The following FRMD4A variants were observed in gnomAD, a reference collection of about 807,000 sequenced individuals.
FRMD4A encodes the protein FERM domain containing 4A, also known as FERM domain-containing protein 4A.
A neutral mutation model predicts 129.1 loss-of-function variants in FRMD4A; 29 were observed. That is an observed-to-expected ratio of 0.22 (90% CI 0.17 to 0.31). The LOEUF is 0.31. Among genes scored for constraint, FRMD4A ranks in the 10% least tolerant of loss-of-function variants. The pLI is 1.00. For missense variants in FRMD4A, 1,272 were observed against 1,375.8 expected, an observed-to-expected ratio of 0.92 and a Z score of 1.19; for synonymous variants, 634 against 571.6, an observed-to-expected ratio of 1.11 and a Z score of -1.56.
rs564734846 is a variant in FRMD4A at position 14,175,518 on chromosome 10, C to T, written c.45+154540G>A. Among the ~76,000 whole-genome samples the T allele has an allele frequency of 2.6e-4, 32 of 123,982 alleles. No individual in the cohort carries two copies. In the South Asian group the frequency reaches 9.5e-3, roughly 37 times the overall value. The allele number at this position is 123,982 out of a possible 152,430, so 81.3% of individuals were successfully genotyped here. A position where few individuals can be genotyped will look rare whatever the true frequency, so the allele number is the denominator to read the frequency against. On this transcript the variant is annotated intron_variant, in intron 2 of 24. Coordinates refer to ENST00000357447, the MANE Select transcript of FRMD4A (RefSeq NM_018027.5). ...CACCTCCTTCGTAGTCTCCAGTTTGCTTCCTTTTTTTTTTTTTTTTTTTTA... is the reference window on the plus strand; with the variant it reads ...CACCTCCTTCGTAGTCTCCAGTTTGTTTCCTTTTTTTTTTTTTTTTTTTTA...
At chr10:14,042,354 A>C (rs1258148373) in intron 2 of FRMD4A, among the ~76,000 whole-genome samples, 1 of 152,202 alleles carries the variant, frequency 6.6e-6, no homozygotes, top group Non-Finnish European at 1.5e-5. Flanking sequence ...GTTACAGGCC[A>C]ATCAGGACAA....
intron 2 of FRMD4A, among the ~76,000 whole-genome samples, chr10:14,232,045 T>C (rs1407080366): frequency 6.6e-6 from 1 of 152,160 alleles, no homozygotes; most frequent in Non-Finnish European, 1.5e-5. Context: ...TTTTCTTCTA[T>C]GATTTTTTTA....
chr10:13,701,882 T>A (rs1156891915), intron 13 of FRMD4A, among the ~76,000 whole-genome samples: 1 of 152,136 alleles, frequency 6.6e-6, no homozygotes, highest in Admixed American at 6.5e-5. Flanking sequence ...GATGAGTAAA[T>A]TATTTTCTAA....
chr10:14,083,008 T>C (rs999299692), intron 2 of FRMD4A: 1 of 152,232 alleles, frequency 6.6e-6, no homozygotes, highest in African/African-American at 2.4e-5. Context: ...CATTAACTTG[T>C]TGCACATCAC....
At chr10:13,837,383 T>C (rs1231356661) in intron 3 of FRMD4A, among the ~76,000 whole-genome samples, 1 of 152,178 alleles carries the variant, frequency 6.6e-6, no homozygotes, top group African/African-American at 2.4e-5. Flanking sequence ...GGAGTCCTGA[T>C]TGGGCCTCGA....
chr10:14,036,520 T>C (rs1036849734), intron 2 of FRMD4A, among the ~76,000 whole-genome samples: 5 of 152,180 alleles, frequency 3.3e-5, no homozygotes, highest in African/African-American at 1.2e-4. Flanking sequence ...TTAACCCGGA[T>C]TGCTTGCATT....
chr10:13,979,215 T>G (rs918442729), intron 2 of FRMD4A, among the ~76,000 whole-genome samples: 2 of 152,132 alleles, frequency 1.3e-5, no homozygotes, highest in East Asian at 3.8e-4. Flanking sequence ...AATACATATT[T>G]GTTTTGTTTA....
chr10:14,048,897 GAATAGAAAATAA>G (rs1355364932), intron 2 of FRMD4A, among the ~76,000 whole-genome samples: 5 of 104,676 alleles, frequency 4.8e-5, no homozygotes, highest in African/African-American at 2.0e-4. Flanking sequence ...GAATAGAATA[GAATAGAAAATAA>G]AATGAAATAT....
intron 2 of FRMD4A, among the ~76,000 whole-genome samples, chr10:14,284,954 A>T (rs1215823126): frequency 6.6e-6 from 1 of 152,196 alleles, no homozygotes; most frequent in Non-Finnish European, 1.5e-5. Context: ...ATTGCAGGGA[A>T]CCACATCCTA....
chr10:14,156,726 C>T (rs1840621129), intron 2 of FRMD4A, among the ~76,000 whole-genome samples: 1 of 152,180 alleles, frequency 6.6e-6, no homozygotes, highest in Admixed American at 6.5e-5. Context: ...AAACTCAACT[C>T]TACTTGGAAA....
chr10:14,263,461 T>C (rs1370883429), intron 2 of FRMD4A, among the ~76,000 whole-genome samples: 1 of 152,174 alleles, frequency 6.6e-6, no homozygotes, highest in Non-Finnish European at 1.5e-5. Context: ...AGTGCATCCA[T>C]TCCACGTGCT....
At chr10:14,165,545 G>A (rs528779628) in intron 2 of FRMD4A, among the ~76,000 whole-genome samples, 6 of 152,204 alleles carry the variant, frequency 3.9e-5, no homozygotes, top group Non-Finnish European at 7.4e-5. Flanking sequence ...TCATTCTACC[G>A]AAAAGACACA....
chr10:13,963,857 G>C (rs750370703), intron 2 of FRMD4A, among the ~76,000 whole-genome samples: 1 of 152,158 alleles, frequency 6.6e-6, no homozygotes, highest in Non-Finnish European at 1.5e-5. Context: ...GCCAGTGTTA[G>C]AGCATTAGGT....
chr10:13,959,689 T>C (rs2095434350), intron 2 of FRMD4A, among the ~76,000 whole-genome samples: 1 of 151,908 alleles, frequency 6.6e-6, no homozygotes, highest in African/African-American at 2.4e-5. Context: ...GTCGTGAAAA[T>C]GAGGCCACTC....
intron 2 of FRMD4A, among the ~76,000 whole-genome samples, chr10:14,232,697 A>T (rs936689766): frequency 6.6e-6 from 1 of 152,014 alleles, no homozygotes; most frequent in Non-Finnish European, 1.5e-5. Context: ...TGTGAATGGG[A>T]TTGTGTTCTT....
intron 2 of FRMD4A, among the ~76,000 whole-genome samples, chr10:13,886,980 G>C (rs1036030038): frequency 1.5e-4 from 23 of 152,204 alleles, no homozygotes; most frequent in African/African-American, 5.5e-4. Flanking sequence ...TTGGGGCAAA[G>C]GGTATGGATG....
Position 13,645,223 on chromosome 10 carries a change from G to A in FRMD4A, c.*1815C>T, listed in dbSNP as rs1471546505. On this transcript the variant is annotated 3_prime_UTR_variant, in exon 25 of 25. Transcript: ENST00000357447. ...CTTGGATTCCACATACATGAAAAGC[G>A]AAGATTTTTCTTTGTTTTTATGCTT... 6.6e-6 allele frequency: 1 copy of A among 152,278 alleles called. No homozygotes were observed. The highest frequency in any genetic ancestry group is 6.5e-5 in the Admixed American group (1 of 15,302). The allele number at this position is 152,278 out of a possible 1,614,324, so 9.4% of individuals were successfully genotyped here.
intron 2 of FRMD4A, among the ~76,000 whole-genome samples, chr10:14,185,633 T>TCAGAGAGCTGCAGGGG (rs1842097029): frequency 6.6e-6 from 1 of 152,152 alleles, no homozygotes; most frequent in African/African-American, 2.4e-5. Context: ...TACTTCATGG[T>TCAGAGAGCTGCAGGGG]CAGAGAGCTG....
chr10:13,984,153 A>G (rs1187937213), intron 2 of FRMD4A, among the ~76,000 whole-genome samples: 1 of 152,174 alleles, frequency 6.6e-6, no homozygotes, highest in African/African-American at 2.4e-5. Context: ...GGGGCACGCC[A>G]GCTCCTTCAG....
Sources: allele counts gnomAD v4.1 joint callset (sites outside exome capture counted in the v4.1 genomes callset), GRCh38; gene constraint gnomAD v4.1.1; transcripts MANE v1.5; gene names NCBI Gene and HGNC (gene_info 2026-07-23, HGNC 2026-07-21).